SYNPO: variants seen among roughly 807,000 people sequenced by gnomAD.
SYNPO encodes the protein synaptopodin.
Under a neutral mutation model 49.5 loss-of-function variants are expected in SYNPO, and 19 were observed. That is an observed-to-expected ratio of 0.38 (90% CI 0.27 to 0.56). The LOEUF is 0.56. SYNPO is among the 20% of genes least tolerant of loss of function. The probability of loss-of-function intolerance (pLI) is 0.68; values close to 1 mark genes in which losing one functional copy is unlikely to be tolerated. For synonymous variants in SYNPO, 536 were observed against 548.0 expected, an observed-to-expected ratio of 0.98 and a Z score of 0.31; for missense variants, 1,131 against 1,248.3, an observed-to-expected ratio of 0.91 and a Z score of 1.42.
chr5:150,644,186 A>T (rs1324926861), intron 1 of SYNPO, among the ~76,000 whole-genome samples: 2 of 151,900 alleles, frequency 1.3e-5, no homozygotes, highest in African/African-American at 4.8e-5. Context: ...AAAAAAAAAA[A>T]AAGTGATTGG....
exon 2 of SYNPO, chr5:150,618,197 C>G: frequency 1.3e-6 from 1 of 787,258 alleles, no homozygotes. Context: ...TCTTTCGTCT[C>G]AGCCAGACCT....
upstream of SYNPO, among the ~76,000 whole-genome samples, chr5:150,598,379 G>C (rs916927593): frequency 7.2e-5 from 11 of 152,212 alleles, no homozygotes; most frequent in African/African-American, 2.7e-4. Flanking sequence ...GCCGTGAAGG[G>C]CATAGGCTGG....
At chr5:150,601,873 C>T (rs1756551545) in intron 1 of SYNPO, among the ~76,000 whole-genome samples, 1 of 152,326 alleles carries the variant, frequency 6.6e-6, no homozygotes, top group African/African-American at 2.4e-5. Context: ...GCCCATTTCC[C>T]TGGGGGAAAA....
At chr5:150,618,896 C>T in intron 2 of SYNPO, 2 of 1,196,264 alleles carry the variant, frequency 1.7e-6, no homozygotes, top group Non-Finnish European at 2.3e-6. Context: ...TGGGCATGCC[C>T]AGATTAACAG....
chr5:150,641,249 C>T (rs1757894498), intron 1 of SYNPO, among the ~76,000 whole-genome samples: 1 of 152,208 alleles, frequency 6.6e-6, no homozygotes. Flanking sequence ...ATTACTCAGG[C>T]CTCTCCATTT....
In SYNPO at chr5:150,650,092, C is replaced by T. The variant is rs1758307229; in HGVS notation, c.1817C>T (p.Ala606Val). 1.9e-6 allele frequency: 3 copies of T among 1,613,482 alleles called. No homozygotes were observed. Among genetic ancestry groups the T allele is most frequent in the South Asian group, 1.1e-5 (1 of 91,090 alleles). ...LDLVPNLPKG[A>V]LPPSPALPRP... ...CTGGTGCCCAACCTGCCCAAGGGGGCTCTCCCTCCATCTCCTGCCCTGCCT... is the reference window on the plus strand; with the variant it reads ...CTGGTGCCCAACCTGCCCAAGGGGGTTCTCCCTCCATCTCCTGCCCTGCCT... The change falls in exon 2 of 3, where the codon GCT (alanine) becomes GTT (valine). Residue 606 changes from alanine to valine, a missense_variant. By Grantham distance (64) the Ala-to-Val change is moderately conservative. Coordinates refer to ENST00000307662, the MANE Select transcript of SYNPO (RefSeq NM_007286.6).
At position 150,657,018 on chromosome 5, in the gene SYNPO, C is replaced by T. The variant is rs1758597089; in HGVS notation, c.2643C>T (p.Pro881=). ...GCATCCTGGGCTACAATATCTGTCC[C>T]CGCGGGTGGAATGGCAGCCTTCGGC... is the stretch of plus-strand genomic sequence containing the variant. ...SPGILGYNIC[P]RGWNGSLRLK... The change falls in exon 3 of 3, where the codon CCC becomes CCT. Residue 881 remains proline (P), a synonymous_variant. Coordinates refer to ENST00000307662, the MANE Select transcript of SYNPO (RefSeq NM_007286.6). 1 of 1,602,672 alleles carries T rather than the reference C, an allele frequency of 6.2e-7. No homozygotes were observed. The highest frequency in any genetic ancestry group is 8.5e-7 in the Non-Finnish European group (1 of 1,174,934).
rs1758651300 is a variant in SYNPO at position 150,658,517 on chromosome 5, A to G, written c.*1430A>G. On this transcript the variant is annotated 3_prime_UTR_variant, in exon 3 of 3. Coordinates refer to ENST00000307662, the MANE Select transcript of SYNPO (RefSeq NM_007286.6). ...GCTGTGATTCAGGTCCCCAGGGGGGACTCAGGGAGGAATATGGCTGAGTTC... is the reference window on the plus strand; with the variant it reads ...GCTGTGATTCAGGTCCCCAGGGGGGGCTCAGGGAGGAATATGGCTGAGTTC... 6.6e-6 allele frequency: 1 copy of G among 152,038 alleles called. No homozygotes were observed. The highest frequency in any genetic ancestry group is 2.4e-5 in the African/African-American group (1 of 41,274). The allele number at this position is 152,038 out of a possible 1,614,324, so 9.4% of individuals were successfully genotyped here.
chr5:150,633,494 G>A (rs567674845), intron 2 of SYNPO, among the ~76,000 whole-genome samples: 1 of 152,348 alleles, frequency 6.6e-6, no homozygotes, highest in Non-Finnish European at 1.5e-5. Context: ...GTTCTCCAGA[G>A]GCATGGAGAA....
At chr5:150,620,941 C>CTTTT (rs376022278) in intron 2 of SYNPO, among the ~76,000 whole-genome samples, 1 of 103,040 alleles carries the variant, frequency 9.7e-6, no homozygotes, top group Non-Finnish European at 1.9e-5. Flanking sequence ...TTCTTTCTTT[C>CTTTT]TTTCTTTTCT....
chr5:150,652,280 G>A (rs1224802993), intron 2 of SYNPO: 4 of 998,884 alleles, frequency 4.0e-6, no homozygotes, highest in Non-Finnish European at 3.6e-6. Flanking sequence ...CTGCGGCCAG[G>A]CTGAGCTCTG....
Position 150,657,187 on chromosome 5 carries a change from A to T in SYNPO, c.*100A>T. On this transcript the variant is annotated 3_prime_UTR_variant, in exon 3 of 3. Coordinates refer to ENST00000307662, the MANE Select transcript of SYNPO (RefSeq NM_007286.6). The stretch of plus-strand genomic sequence containing the variant: ...CTGGCCTCTTTGGGCAGCCCCAGAG[A>T]TGAGGGGTCAGCAGAGGAGAGCTCT... The T allele has an allele frequency of 1.5e-6, 2 of 1,304,920 alleles. No individual in the cohort carries two copies. Among genetic ancestry groups the T allele is most frequent in the Non-Finnish European group, 2.1e-6 (2 of 964,516 alleles). 80.8% of individuals were successfully genotyped at this position (1,304,920 alleles called of 1,614,324 possible). A position where few individuals can be genotyped will look rare whatever the true frequency, so the allele number is the denominator to read the frequency against.
upstream of SYNPO, chr5:150,640,042 G>A (rs1757844651): frequency 7.9e-6 from 6 of 762,522 alleles, no homozygotes; most frequent in African/African-American, 1.9e-5. Flanking sequence ...CTGAGCCAGC[G>A]TCTTCTCTAA....
intron 1 of SYNPO, among the ~76,000 whole-genome samples, chr5:150,606,738 C>T (rs1336651082): frequency 6.6e-6 from 1 of 152,214 alleles, no homozygotes; most frequent in East Asian, 1.9e-4. Context: ...GTGTGCTGAG[C>T]CAAGGCTTCA....
chr5:150,620,079 C>T lies in SYNPO; in HGVS notation c.400+1312C>T, dbSNP rs141657894. On this transcript the variant is annotated intron_variant, in intron 2 of 2. Coordinates refer to the SYNPO transcript ENST00000394243. ...AGGCTGGGGTCAGGAGACATAGATG[C>T]TTTCTAGACTGGATGTTGCCGACTA... 1.3e-3 allele frequency among the ~76,000 whole-genome samples: 201 copies of T among 152,320 alleles called. 1 individual carries two copies. Among genetic ancestry groups the T allele is most frequent in the African/African-American group, 4.6e-3 (192 of 41,562 alleles).
chr5:150,602,366 A>C (rs1473611430), intron 1 of SYNPO, among the ~76,000 whole-genome samples: 1 of 152,112 alleles, frequency 6.6e-6, no homozygotes, highest in Non-Finnish European at 1.5e-5. Context: ...TGGTGTGTGC[A>C]CCTCTGGCAG....
At chr5:150,594,178 C>T in the SYNPO span, among the ~76,000 whole-genome samples, 13 of 152,128 alleles carry the variant, frequency 8.5e-5, no homozygotes, top group Non-Finnish European at 1.2e-4. Context: ...CCAGGACTTG[C>T]GGCTTGAGGG....
At chr5:150,586,823 G>C in the SYNPO span, among the ~76,000 whole-genome samples, 1 of 152,224 alleles carries the variant, frequency 6.6e-6, no homozygotes, top group African/African-American at 2.4e-5. Flanking sequence ...TGGATGGGTA[G>C]ATGTATACAT....
intron 2 of SYNPO, among the ~76,000 whole-genome samples, chr5:150,654,662 T>G (rs1758497257): frequency 6.6e-6 from 1 of 152,014 alleles, no homozygotes; most frequent in South Asian, 2.1e-4. Context: ...GTGAAAAAGC[T>G]CAGTGAGGGG....
Sources: allele counts gnomAD v4.1 joint callset (sites outside exome capture counted in the v4.1 genomes callset), GRCh38; gene constraint gnomAD v4.1.1; transcripts MANE v1.5; gene names NCBI Gene and HGNC (gene_info 2026-07-23, HGNC 2026-07-21).